IL16: variants seen among roughly 807,000 people sequenced by gnomAD.
IL16 encodes pro-interleukin-16.
In IL16, 67 loss-of-function variants were observed where a neutral mutation model predicts 110.1. The ratio of observed to expected loss-of-function variants is 0.61; its 90% CI spans 0.50 to 0.75. The LOEUF (loss-of-function observed/expected upper bound fraction) is 0.75. IL16 is among the 30% of genes least tolerant of loss of function. The pLI is 0.00. For missense variants in IL16, 1,545 were observed against 1,655.0 expected (o/e 0.93, Z 1.15); for synonymous variants, 689 against 662.9 (o/e 1.04, Z -0.61).
At position 81,299,690 on chromosome 15, in the gene IL16, G is replaced by A; in HGVS notation, c.2364G>A (p.Lys788=). ...AGAAAGGTCCTCCTGTGGCTCCCAA[G>A]CCAGCCTGGTTTCGCCAAAGCTTGA... ...TVKKGPPVAP[K]PAWFRQSLKG... The change falls in exon 14 of 19, where the codon AAG becomes AAA. Residue 788 remains lysine (K), a synonymous_variant. Coordinates refer to ENST00000683961, the MANE Select transcript of IL16 (RefSeq NM_172217.5). The A allele has an allele frequency of 6.2e-7, 1 of 1,614,246 alleles. No individual in the cohort carries two copies. The highest frequency in any genetic ancestry group is 8.5e-7 in the Non-Finnish European group (1 of 1,180,050).
upstream of IL16, among the ~76,000 whole-genome samples, chr15:81,193,869 TTTA>T (rs565951980): frequency 5.1e-4 from 78 of 152,156 alleles, no homozygotes; most frequent in Non-Finnish European, 9.3e-4. Flanking sequence ...GCAGAGAGAA[TTTA>T]TTATCATCAT....
At chr15:81,270,392 T>G (rs1162085629) in intron 5 of IL16, among the ~76,000 whole-genome samples, 1 of 152,162 alleles carries the variant, frequency 6.6e-6, no homozygotes, top group Non-Finnish European at 1.5e-5. Flanking sequence ...ATTTTTTGTG[T>G]GGTGTGAGAG....
chr15:81,231,018 G>C (rs2142059065), intron 2 of IL16, among the ~76,000 whole-genome samples: 1 of 152,134 alleles, frequency 6.6e-6, no homozygotes, highest in Admixed American at 6.5e-5. Context: ...CATCTCAGAA[G>C]TCAAACCTGG....
At position 81,265,704 on chromosome 15, in the gene IL16, A is replaced by G. The variant is rs78482832; in HGVS notation, c.467A>G (p.Lys156Arg). The G allele has an allele frequency of 3.4e-3, 5,450 of 1,613,914 alleles. 121 individuals are homozygous for G. In the African/African-American group the frequency reaches 0.062, roughly 18 times the overall value. Residue 156 changes from lysine (K) to arginine (R), a missense_variant, in exon 4 of 19, where the codon AAG becomes AGG. By Grantham distance (26) the Lys-to-Arg change is conservative. Transcript: ENST00000683961. The part of the protein sequence containing the change: ...CTREIDFPMT[K>R]KSAAPTDRQP... ...AGAGAAATTGATTTTCCAATGACCA[A>G]GAAATCTGCAGCGCCCACGGACAGG...
At chr15:81,257,821 A>T (rs1898002612) in intron 2 of IL16, among the ~76,000 whole-genome samples, 1 of 152,190 alleles carries the variant, frequency 6.6e-6, no homozygotes, top group South Asian at 2.1e-4. Flanking sequence ...TCTCCAACAA[A>T]CTATACCCTG....
Position 81,273,213 on chromosome 15 carries a change from C to T in IL16, c.790+9C>T. 6.3e-7 allele frequency: 1 copy of T among 1,590,314 alleles called. No homozygotes were observed. Among genetic ancestry groups the T allele is most frequent in the East Asian group, 2.2e-5 (1 of 44,690 alleles). On this transcript the variant is annotated intron_variant, in intron 6 of 18. Coordinates refer to ENST00000683961, the MANE Select transcript of IL16 (RefSeq NM_172217.5). ...TGGAAGGCTACAGGAAGGTAGGCTT[C>T]CCAGCCCTTTTCAGACCATGGTGGA...
chr15:81,202,121 A>G (rs754239146), intron 1 of IL16, among the ~76,000 whole-genome samples: 1 of 152,352 alleles, frequency 6.6e-6, no homozygotes, highest in African/African-American at 2.4e-5. Context: ...ATTAAATGCA[A>G]TCATCCTTAG....
chr15:81,208,123 T>G (rs1896103926), intron 1 of IL16, among the ~76,000 whole-genome samples: 1 of 152,196 alleles, frequency 6.6e-6, no homozygotes, highest in Admixed American at 6.5e-5. Context: ...CTCTAATGAT[T>G]ACTGATGATA....
In IL16 at chr15:81,219,133, C is replaced by T. The variant is rs546751409; in HGVS notation, c.-101-6166C>T. On this transcript the variant is annotated intron_variant, in intron 1 of 18. Coordinates refer to ENST00000683961, the MANE Select transcript of IL16 (RefSeq NM_172217.5). Reference sequence around the variant, plus strand: ...CAATTTCAGAGCCTAAGCCTTTAAGCGGTATATTTATAATTCTGCTTGTCC... The same window carrying T: ...CAATTTCAGAGCCTAAGCCTTTAAGTGGTATATTTATAATTCTGCTTGTCC... Among the ~76,000 whole-genome samples the T allele has an allele frequency of 8.5e-5, 13 of 152,192 alleles. No homozygotes were observed. The South Asian group carries it at 1.0e-3, about 12-fold the overall frequency.
At chr15:81,304,293 A>G (rs971618105) in intron 16 of IL16, among the ~76,000 whole-genome samples, 2 of 152,232 alleles carry the variant, frequency 1.3e-5, no homozygotes, top group African/African-American at 4.8e-5. Flanking sequence ...AGTATTACAA[A>G]AAGATTCCTG....
At chr15:81,268,097 GAGA>G (rs1393474466) in intron 4 of IL16, among the ~76,000 whole-genome samples, 3 of 152,240 alleles carry the variant, frequency 2.0e-5, no homozygotes, top group Admixed American at 6.5e-5. Flanking sequence ...GTTTCTGGGA[GAGA>G]AGAAGAGAAA....
chr15:81,199,019 C>CAAAAAA (rs71451567), intron 1 of IL16, among the ~76,000 whole-genome samples: 4 of 79,232 alleles, frequency 5.0e-5, no homozygotes, highest in East Asian at 4.2e-4. Context: ...GACTCCATCT[C>CAAAAAA]AAAAAAAAAA....
chr15:81,279,721 T>A lies in IL16; in HGVS notation c.1028T>A (p.Ile343Asn). Reference protein sequence around the residue: ...SFALESPSAPISTAKPNYRIM... With the variant: ...SFALESPSAPNSTAKPNYRIM... Reference sequence around the variant, plus strand: ...GCCTTGGAAAGCCCCTCGGCTCCCATCAGCACCGCCAAGCCCAATTACAGA... The same window carrying A: ...GCCTTGGAAAGCCCCTCGGCTCCCAACAGCACCGCCAAGCCCAATTACAGA... The change falls in exon 8 of 19, where the codon ATC (isoleucine) becomes AAC (asparagine). Residue 343 changes from isoleucine to asparagine, a missense_variant. By Grantham distance (149) the Ile-to-Asn change is moderately radical. Around this residue, in one of 3 missense-constraint regions of IL16, gnomAD observed 1,185 missense variants for 1,238.8 expected, o/e 0.96. Transcript: ENST00000683961. 1.9e-6 allele frequency: 3 copies of A among 1,614,216 alleles called. No homozygotes were observed. The highest frequency in any genetic ancestry group is 2.5e-6 in the Non-Finnish European group (3 of 1,180,046).
At chr15:81,244,316 T>C (rs1897458933) in intron 2 of IL16, among the ~76,000 whole-genome samples, 1 of 148,902 alleles carries the variant, frequency 6.7e-6, no homozygotes, top group African/African-American at 2.6e-5. Flanking sequence ...ATTCTTTTTG[T>C]TTGTTTGTTT....
chr15:81,210,230 A>G (rs959117717), intron 1 of IL16, among the ~76,000 whole-genome samples: 2 of 152,036 alleles, frequency 1.3e-5, no homozygotes, highest in Non-Finnish European at 2.9e-5. Flanking sequence ...TCTGTGTGTC[A>G]TTTTCTATAC....
intron 2 of IL16, among the ~76,000 whole-genome samples, chr15:81,235,267 T>C (rs1897142039): frequency 6.6e-6 from 1 of 152,206 alleles, no homozygotes; most frequent in African/African-American, 2.4e-5. Context: ...TTTATTTGGC[T>C]TACCATTCTG....
At chr15:81,220,517 T>C (rs184401730) in intron 1 of IL16, among the ~76,000 whole-genome samples, 30 of 152,298 alleles carry the variant, frequency 2.0e-4, no homozygotes, top group Admixed American at 2.0e-3. Flanking sequence ...ATTGAGTTAT[T>C]CTTTAATTGA....
At position 81,303,780 on chromosome 15, in the gene IL16, C is replaced by T. The variant is rs972200999; in HGVS notation, c.3420+130C>T. 1 of 669,986 alleles carries T rather than the reference C, an allele frequency of 1.5e-6. No homozygotes were observed. The highest frequency in any genetic ancestry group is 2.7e-6 in the Non-Finnish European group (1 of 368,150). The allele number at this position is 669,986 out of a possible 1,614,324, so 41.5% of individuals were successfully genotyped here. ...CATGACACTAGGCCACTGGGCAGGTCCTGTCCACTCAGCACATCCCAGAGC... is the reference window on the plus strand; with the variant it reads ...CATGACACTAGGCCACTGGGCAGGTTCTGTCCACTCAGCACATCCCAGAGC... On this transcript the variant is annotated intron_variant, in intron 16 of 18. Transcript: ENST00000683961. The surrounding 1 kb of genome is among the most constrained non-coding windows in gnomAD (Gnocchi z 4.1).
At chr15:81,234,415 A>G (rs1445334012) in intron 2 of IL16, among the ~76,000 whole-genome samples, 1 of 151,944 alleles carries the variant, frequency 6.6e-6, no homozygotes, top group African/African-American at 2.4e-5. Flanking sequence ...GTTAGCTATA[A>G]TTTTTTTACT....
Sources: allele counts gnomAD v4.1 joint callset (sites outside exome capture counted in the v4.1 genomes callset), GRCh38; gene constraint gnomAD v4.1.1; regional missense constraint gnomAD v4.1.1; non-coding constraint Gnocchi (gnomAD v3.1); transcripts MANE v1.5; gene names NCBI Gene and HGNC (gene_info 2026-07-23, HGNC 2026-07-21).